KDM4A: variants seen among roughly 807,000 people sequenced by gnomAD.
The protein encoded by KDM4A is lysine-specific demethylase 4A.
Under a neutral mutation model 127.1 loss-of-function variants are expected in KDM4A, and 23 were observed. That is an observed-to-expected ratio of 0.18 (90% CI 0.13 to 0.26). KDM4A has a LOEUF of 0.26. KDM4A is among the 10% of genes least tolerant of loss of function. KDM4A has a pLI of 1.00. For missense variants in KDM4A, 890 were observed against 1,329.1 expected, an observed-to-expected ratio of 0.67 and a Z score of 5.14; for synonymous variants, 443 against 466.5, an observed-to-expected ratio of 0.95 and a Z score of 0.65.
intron 9 of KDM4A, among the ~76,000 whole-genome samples, chr1:43,668,701 A>G (rs479257): frequency 0.033 from 5,062 of 152,248 alleles, 288 homozygotes; most frequent in African/African-American, 0.12. Context: ...GGGCATTGGT[A>G]ATGTCGTGAT....
intron 18 of KDM4A, among the ~76,000 whole-genome samples, chr1:43,697,483 A>G (rs1395643249): frequency 6.6e-6 from 1 of 152,220 alleles, no homozygotes; most frequent in Non-Finnish European, 1.5e-5. Flanking sequence ...GCCTCAGGGC[A>G]CCTATTGAGT....
chr1:43,687,217 C>T (rs891998920), intron 12 of KDM4A, among the ~76,000 whole-genome samples: 5 of 152,160 alleles, frequency 3.3e-5, no homozygotes, highest in East Asian at 3.9e-4. Flanking sequence ...ACTGAGGCGG[C>T]GCACAATGGC....
intron 3 of KDM4A, among the ~76,000 whole-genome samples, chr1:43,655,998 C>T (rs368291767): frequency 2.6e-5 from 4 of 152,166 alleles, no homozygotes; most frequent in East Asian, 3.8e-4. Flanking sequence ...GTTTTTCCAT[C>T]AGAAGTAGAA....
chr1:43,690,574 C>G (rs1661085286), intron 13 of KDM4A: 1 of 508,766 alleles, frequency 2.0e-6, no homozygotes, highest in Non-Finnish European at 3.6e-6. Flanking sequence ...TAACCACTTT[C>G]TTTGGGAAGA....
intron 3 of KDM4A, among the ~76,000 whole-genome samples, chr1:43,659,289 GTA>G (rs1660317695): frequency 6.6e-6 from 1 of 152,084 alleles, no homozygotes; most frequent in Non-Finnish European, 1.5e-5. Context: ...CAAGGATCTT[GTA>G]TAGTTTTTTT....
chr1:43,702,227 G>C (rs1661415895), intron 19 of KDM4A: 1 of 152,198 alleles, frequency 6.6e-6, no homozygotes. Context: ...CACATTTTCA[G>C]AAGTGCTGTT....
rs754178438 is a variant in KDM4A at position 43,689,111 on chromosome 1, G to C, written c.2037+16G>C. On this transcript the variant is annotated intron_variant, in intron 13 of 21. Transcript: ENST00000372396. ...TTATCATCAGGTAACCCAGCTCCAT[G>C]CACTCTGTTTACCCAGGACCAGCAA... 1.2e-6 allele frequency: 2 copies of C among 1,612,536 alleles called. No homozygotes were observed. The highest frequency in any genetic ancestry group is 3.3e-5 in the Admixed American group (2 of 59,946).
rs181470254 is a variant in KDM4A at position 43,658,433 on chromosome 1, G to A, written c.315-1865G>A. On this transcript the variant is annotated intron_variant, in intron 3 of 21. Transcript: ENST00000372396. ...AGGGGAGTTAATTGTATTTCAGAGA[G>A]AATGTTAGGTCTCTAAAATTTATTA... Among the ~76,000 whole-genome samples the A allele has an allele frequency of 2.5e-3, 381 of 151,638 alleles. 6 individuals are homozygous for A. The highest frequency in any genetic ancestry group is 0.023 in the Admixed American group (356 of 15,234).
rs1216117189 is a variant in KDM4A at position 43,704,324 on chromosome 1, G to A, written c.3149G>A (p.Arg1050Gln). ...CAACGAGTTATCAACTCAAGATACCGGGAAGATTATATTGAGCCTGCACTA... is the reference window on the plus strand; with the variant it reads ...CAACGAGTTATCAACTCAAGATACCAGGAAGATTATATTGAGCCTGCACTA... ...KRQRVINSRY[R>Q]EDYIEPALYR... The change falls in exon 22 of 22, where the codon CGG (arginine) becomes CAG (glutamine). Residue 1050 changes from arginine (R) to glutamine (Q), a missense_variant. Physicochemically the swap from Arg to Gln is conservative, Grantham distance 43. Coordinates refer to ENST00000372396, the MANE Select transcript of KDM4A (RefSeq NM_014663.3). The A allele has an allele frequency of 5.0e-6, 8 of 1,613,978 alleles. No homozygotes were observed. The highest frequency in any genetic ancestry group is 5.9e-6 in the Non-Finnish European group (7 of 1,180,022).
At position 43,694,208 on chromosome 1, in the gene KDM4A, C is replaced by T; in HGVS notation, c.2484+106C>T. 1.2e-6 allele frequency: 1 copy of T among 864,674 alleles called. No homozygotes were observed. Among genetic ancestry groups the T allele is most frequent in the Non-Finnish European group, 1.8e-6 (1 of 545,882 alleles). 53.6% of individuals were successfully genotyped at this position (864,674 alleles called of 1,614,324 possible). A position where few individuals can be genotyped will look rare whatever the true frequency, so the allele number is the denominator to read the frequency against. On this transcript the variant is annotated intron_variant, in intron 17 of 21. Coordinates refer to ENST00000372396, the MANE Select transcript of KDM4A (RefSeq NM_014663.3). The surrounding 1 kb of genome is among the most constrained non-coding windows in gnomAD (Gnocchi z 5.2). ...GGTTTTGGTTAGAGTTTGTGATTCT[C>T]ACTCTGTGGTTAGATTCCTTAGTGG...
chr1:43,700,402 C>T (rs1031831746), intron 19 of KDM4A, among the ~76,000 whole-genome samples: 15 of 152,280 alleles, frequency 9.9e-5, no homozygotes, highest in Admixed American at 5.9e-4. Context: ...GCTGGGATTA[C>T]ATCTGTGAGC....
intron 4 of KDM4A, among the ~76,000 whole-genome samples, chr1:43,661,592 G>A (rs1484609320): frequency 9.3e-6 from 1 of 107,802 alleles, no homozygotes; most frequent in Non-Finnish European, 1.7e-5. Context: ...CTGGGTGACA[G>A]AGCAAGACTC....
Position 43,694,070 on chromosome 1 carries a change from G to A in KDM4A, c.2452G>A (p.Val818Met), listed in dbSNP as rs759124557. Residue 818 changes from valine (V) to methionine (M), a missense_variant, in exon 17 of 22, where the codon GTG becomes ATG. Physicochemically the swap from Val to Met is conservative, Grantham distance 21 (BLOSUM62 1). Around this residue, in one of 7 missense-constraint regions of KDM4A, gnomAD observed 246 missense variants for 418.4 expected, o/e 0.59. Transcript: ENST00000372396. The surrounding 1 kb of genome is among the most constrained non-coding windows in gnomAD (Gnocchi z 5.2). ...VNIAERSPVD[V>M]SKIPLPRFKL... The stretch of plus-strand genomic sequence containing the variant: ...CATTGCAGAAAGAAGTCCGGTGGAT[G>A]TGAGCAAAATCCCCCTGCCCCGCTT... The A allele has an allele frequency of 4.3e-6, 7 of 1,614,230 alleles. No homozygotes were observed. The highest frequency in any genetic ancestry group is 3.3e-5 in the Admixed American group (2 of 60,028).
intron 19 of KDM4A, among the ~76,000 whole-genome samples, chr1:43,700,917 ATAAATT>A (rs1661373250): frequency 6.6e-6 from 1 of 150,668 alleles, no homozygotes; most frequent in African/African-American, 2.5e-5. Context: ...AAATATTATT[ATAAATT>A]TAATTTTTTT....
chr1:43,669,173 G>A lies in KDM4A; in HGVS notation c.1237G>A (p.Glu413Lys). ...LEIPQEVSQSELFPKEDLSSE... is the reference protein window; with the variant it reads ...LEIPQEVSQSKLFPKEDLSSE... ...AATACCACAGGAGGTGAGTCAGAGT[G>A]AGCTCTTCCCCAAGGAGGATCTGAG... Residue 413 changes from glutamate to lysine, a missense_variant, in exon 10 of 22, where the codon GAG becomes AAG. Around this residue, in one of 7 missense-constraint regions of KDM4A, gnomAD observed 389 missense variants for 485.9 expected, o/e 0.80. Transcript: ENST00000372396. The A allele has an allele frequency of 1.2e-6, 2 of 1,614,220 alleles. No individual in the cohort carries two copies. Among genetic ancestry groups the A allele is most frequent in the Non-Finnish European group, 1.7e-6 (2 of 1,180,042 alleles).
intron 11 of KDM4A, among the ~76,000 whole-genome samples, chr1:43,678,587 G>GTTTTT (rs35182358): frequency 7.4e-6 from 1 of 134,492 alleles, no homozygotes; most frequent in Non-Finnish European, 1.6e-5. Flanking sequence ...CTGCAGATAG[G>GTTTTT]TTTTTTTTTT....
chr1:43,677,123 T>G (rs1274539982), intron 11 of KDM4A, among the ~76,000 whole-genome samples: 1 of 152,064 alleles, frequency 6.6e-6, no homozygotes. Context: ...AGGGGGTGGA[T>G]CATCTGAGGT....
At chr1:43,653,439 G>T in intron 2 of KDM4A, 126 bp downstream of exon 2, 1 of 826,342 alleles carries the variant, frequency 1.2e-6, no homozygotes. Flanking sequence ...TAGTGAATGC[G>T]GTTCTATTTG....
chr1:43,664,132 T>C (rs1042941876), intron 5 of KDM4A, among the ~76,000 whole-genome samples: 1 of 152,166 alleles, frequency 6.6e-6, no homozygotes, highest in Non-Finnish European at 1.5e-5. Flanking sequence ...TAAAGAAGGC[T>C]TCTTTCAAAG....
Sources: allele counts gnomAD v4.1 joint callset (sites outside exome capture counted in the v4.1 genomes callset), GRCh38; gene constraint gnomAD v4.1.1; regional missense constraint gnomAD v4.1.1; non-coding constraint Gnocchi (gnomAD v3.1); transcripts MANE v1.5; gene names NCBI Gene and HGNC (gene_info 2026-07-23, HGNC 2026-07-21).